Variants in SOX30 observed in about 807,000 individuals in gnomAD.
The protein encoded by SOX30 is transcription factor SOX-30.
SOX30 carries 17 observed loss-of-function variants against 58.6 expected under a neutral mutation model. The observed-to-expected ratio is 0.29, with a 90% CI of 0.20 to 0.44. The LOEUF is 0.44. Ranked by LOEUF, SOX30 falls within the 20% of genes least tolerant of loss-of-function variation. SOX30 has a pLI of 1.00. For synonymous variants in SOX30, 421 were observed against 400.2 expected, an observed-to-expected ratio of 1.05 and a Z score of -0.62; for missense variants, 951 against 965.8, an observed-to-expected ratio of 0.98 and a Z score of 0.20.
chr5:157,664,590 A>C (rs1195332162), intron 2 of SOX30, among the ~76,000 whole-genome samples: 1 of 152,246 alleles, frequency 6.6e-6, no homozygotes, highest in Non-Finnish European at 1.5e-5. Context: ...CAAAAGCCAA[A>C]ATTGACAAAT....
intron 4 of SOX30, among the ~76,000 whole-genome samples, chr5:157,635,632 A>C (rs1758909965): frequency 6.6e-6 from 1 of 152,014 alleles, no homozygotes; most frequent in Non-Finnish European, 1.5e-5. Flanking sequence ...TCAAAAAAAA[A>C]ACAAAAACAA....
At chr5:157,647,694 A>G (rs536252237) in intron 2 of SOX30, among the ~76,000 whole-genome samples, 8 of 151,800 alleles carry the variant, frequency 5.3e-5, no homozygotes, top group African/African-American at 1.9e-4. Flanking sequence ...AGCTGGGACT[A>G]CAGGTGCCCA....
chr5:157,626,764 A>C (rs1376065061), intron 4 of SOX30, 43 bp from the exon 5 acceptor site: 1 of 1,547,500 alleles, frequency 6.5e-7, no homozygotes, highest in Non-Finnish European at 8.7e-7. Context: ...TCTTGCCCAC[A>C]TATTGCCTTG....
intron 2 of SOX30, among the ~76,000 whole-genome samples, chr5:157,663,997 C>T (rs1024489424): frequency 6.6e-6 from 1 of 151,442 alleles, no homozygotes; most frequent in South Asian, 2.1e-4. Flanking sequence ...TAGGAAGAAT[C>T]AATATCATGA....
intron 2 of SOX30, among the ~76,000 whole-genome samples, chr5:157,667,451 G>A (rs549676741): frequency 2.6e-5 from 4 of 152,248 alleles, no homozygotes; most frequent in South Asian, 4.1e-4. Context: ...AAAACCTTGA[G>A]GCTGGGTATG....
chr5:157,649,027 CA>C (rs1241304730), intron 1 of SOX30, 131 bp from the exon 2 acceptor site: 10 of 1,197,194 alleles, frequency 8.4e-6, no homozygotes, highest in Middle Eastern at 2.8e-4. Context: ...TCAATATAAC[CA>C]AAAAAACCTG....
At chr5:157,642,869 T>A (rs2113842826) in intron 3 of SOX30, among the ~76,000 whole-genome samples, 1 of 152,288 alleles carries the variant, frequency 6.6e-6, no homozygotes, top group Non-Finnish European at 1.5e-5. Flanking sequence ...ATTTAGTCAT[T>A]ACGGTATAAA....
chr5:157,639,814 T>G (rs1278863344), intron 3 of SOX30, among the ~76,000 whole-genome samples: 1 of 152,230 alleles, frequency 6.6e-6, no homozygotes, highest in Non-Finnish European at 1.5e-5. Flanking sequence ...GTCTCTGTCA[T>G]AGACTGAAAG....
chr5:157,655,184 G>T (rs909264165), upstream of SOX30, among the ~76,000 whole-genome samples: 1 of 152,170 alleles, frequency 6.6e-6, no homozygotes, highest in Non-Finnish European at 1.5e-5. Flanking sequence ...GGAATGGACT[G>T]CAGTATGGAA....
At chr5:157,642,708 C>T (rs1759098018) in intron 3 of SOX30, among the ~76,000 whole-genome samples, 1 of 151,762 alleles carries the variant, frequency 6.6e-6, no homozygotes, top group Non-Finnish European at 1.5e-5. Flanking sequence ...AAAGCTTGTC[C>T]AAATGTACAA....
chr5:157,666,746 C>T (rs1427553565), intron 2 of SOX30, among the ~76,000 whole-genome samples: 1 of 152,134 alleles, frequency 6.6e-6, no homozygotes, highest in East Asian at 1.9e-4. Flanking sequence ...GGCTCTGGCG[C>T]CCAGGCTGGA....
At chr5:157,637,710 T>C (rs1353960788) in intron 4 of SOX30, among the ~76,000 whole-genome samples, 1 of 152,072 alleles carries the variant, frequency 6.6e-6, no homozygotes, top group African/African-American at 2.4e-5. Flanking sequence ...ATATTCTTGT[T>C]CTTTTTTTTT....
chr5:157,647,730 T>C (rs1197055983), intron 2 of SOX30, among the ~76,000 whole-genome samples: 1 of 146,162 alleles, frequency 6.8e-6, no homozygotes, highest in South Asian at 2.1e-4. Flanking sequence ...AATTTTTTTA[T>C]TTTTTTTTTT....
intron 4 of SOX30, among the ~76,000 whole-genome samples, chr5:157,630,863 T>TTATA (rs34376183): frequency 7.4e-6 from 1 of 134,926 alleles, no homozygotes; most frequent in Non-Finnish European, 1.5e-5. Flanking sequence ...TTATATATTT[T>TTATA]TATATATATA....
At chr5:157,640,117 T>G (rs1267533121) in intron 3 of SOX30, among the ~76,000 whole-genome samples, 3 of 152,168 alleles carry the variant, frequency 2.0e-5, no homozygotes, top group Non-Finnish European at 4.4e-5. Flanking sequence ...CCACGTTCCC[T>G]CCAAACCTTG....
At chr5:157,639,281 C>A (rs1044407054) in intron 3 of SOX30, among the ~76,000 whole-genome samples, 1 of 151,898 alleles carries the variant, frequency 6.6e-6, no homozygotes, top group Non-Finnish European at 1.5e-5. Flanking sequence ...GTTCTGTTTA[C>A]CTAAATATAT....
intron 3 of SOX30, among the ~76,000 whole-genome samples, chr5:157,640,633 C>T (rs912358953): frequency 6.6e-6 from 1 of 152,158 alleles, no homozygotes; most frequent in Non-Finnish European, 1.5e-5. Flanking sequence ...TTAACTCTAT[C>T]GCCTGCATGT....
At chr5:157,639,794 G>A (rs1030236812) in intron 3 of SOX30, among the ~76,000 whole-genome samples, 4 of 152,192 alleles carry the variant, frequency 2.6e-5, no homozygotes, top group African/African-American at 4.8e-5. Flanking sequence ...GAAATTCTGC[G>A]GTTGGACATG....
At chr5:157,671,372 C>A (rs1759783296) in exon 1 of SOX30, 4 of 536,724 alleles carry the variant, frequency 7.5e-6, no homozygotes, top group Non-Finnish European at 1.3e-5. Context: ...CACAGCAACG[C>A]GCCGGGTCTC....
Sources: gnomAD v4.1 joint callset for allele counts (sites outside exome capture counted in the v4.1 genomes callset) on GRCh38, gnomAD v4.1.1 for gene constraint, MANE v1.5 for transcripts, NCBI Gene and HGNC (gene_info 2026-07-23, HGNC 2026-07-21) for gene names.